The following PDE10A variants were observed in gnomAD, a reference collection of about 807,000 sequenced individuals.
The protein encoded by PDE10A is phosphodiesterase 10A.
In PDE10A, 39 loss-of-function variants were observed where a neutral mutation model predicts 97.7. That is an observed-to-expected ratio of 0.40 (90% CI 0.31 to 0.52). The LOEUF (loss-of-function observed/expected upper bound fraction) is 0.52. Among genes scored for constraint, PDE10A ranks in the 20% least tolerant of loss-of-function variants. The pLI, the probability that PDE10A is intolerant of heterozygous loss-of-function variation, is 0.56. For synonymous variants in PDE10A, 371 were observed against 376.8 expected, an observed-to-expected ratio of 0.98 and a Z score of 0.18; for missense variants, 731 against 1,047.8, an observed-to-expected ratio of 0.70 and a Z score of 4.17.
chr6:165,440,366 C>T (rs1790352069), intron 5 of PDE10A, among the ~76,000 whole-genome samples: 1 of 152,208 alleles, frequency 6.6e-6, no homozygotes, highest in Non-Finnish European at 1.5e-5. Context: ...GATTCTTCTG[C>T]TCTTCCATTT....
chr6:165,769,747 G>C (rs1331470481), intron 1 of PDE10A, among the ~76,000 whole-genome samples: 9 of 152,184 alleles, frequency 5.9e-5, no homozygotes, highest in Admixed American at 5.9e-4. Context: ...AAAGTTATTA[G>C]GCATTTTACA....
intron 1 of PDE10A, among the ~76,000 whole-genome samples, chr6:165,881,190 A>G (rs534644563): frequency 6.6e-6 from 1 of 152,332 alleles, no homozygotes; most frequent in Admixed American, 6.5e-5. Flanking sequence ...ACACCAGGCA[A>G]TGCTTTGGCT....
intron 1 of PDE10A, among the ~76,000 whole-genome samples, chr6:165,944,366 T>A (rs994388430): frequency 6.6e-6 from 1 of 152,226 alleles, no homozygotes; most frequent in Non-Finnish European, 1.5e-5. Context: ...GGTTTTCTGT[T>A]CTTTTTCTCT....
chr6:165,499,375 G>A (rs1185020272), intron 2 of PDE10A, among the ~76,000 whole-genome samples: 1 of 152,148 alleles, frequency 6.6e-6, no homozygotes. Flanking sequence ...ACCACTCAAA[G>A]AAATAAGAAG....
At chr6:165,818,544 A>G (rs1779480811) in intron 1 of PDE10A, among the ~76,000 whole-genome samples, 1 of 152,256 alleles carries the variant, frequency 6.6e-6, no homozygotes, top group African/African-American at 2.4e-5. Flanking sequence ...CAAATCCACT[A>G]GCTGTGGTTT....
intron 1 of PDE10A, among the ~76,000 whole-genome samples, chr6:165,721,356 A>G (rs977147906): frequency 3.3e-5 from 5 of 152,224 alleles, no homozygotes; most frequent in Admixed American, 2.6e-4. Flanking sequence ...TTGTCAATCC[A>G]ATTCATTACT....
intron 18 of PDE10A, among the ~76,000 whole-genome samples, chr6:165,371,348 A>G (rs1784236182): frequency 6.6e-6 from 1 of 152,182 alleles, no homozygotes; most frequent in South Asian, 2.1e-4. Flanking sequence ...CTACTAAAGA[A>G]AAAAAGAGAA....
At chr6:165,896,142 G>A (rs943124327) in intron 1 of PDE10A, among the ~76,000 whole-genome samples, 13 of 152,142 alleles carry the variant, frequency 8.5e-5, no homozygotes, top group East Asian at 1.9e-4. Flanking sequence ...ACAGCCCAGC[G>A]CCCACCCAAA....
In PDE10A at chr6:165,443,049, T is replaced by C. The variant is rs541835421; in HGVS notation, c.1194+5879A>G. Among the ~76,000 whole-genome samples the C allele has an allele frequency of 2.0e-5, 3 of 146,916 alleles. No individual in the cohort carries two copies. In the Admixed American group the frequency reaches 2.1e-4, roughly 10 times the overall value. On this transcript the variant is annotated intron_variant, in intron 5 of 21. Transcript: ENST00000539869. Reference sequence around the variant, plus strand: ...ACTGCTTGAACCCAGGAGGTGGAGGTTGCAGTGAGCCGAGACCATACCACT... The same window carrying C: ...ACTGCTTGAACCCAGGAGGTGGAGGCTGCAGTGAGCCGAGACCATACCACT...
At chr6:165,749,220 T>A (rs1460470196) in intron 1 of PDE10A, among the ~76,000 whole-genome samples, 1 of 4,024 alleles carries the variant, frequency 2.5e-4, no homozygotes, top group Non-Finnish European at 6.2e-4. Context: ...ACCATCACCA[T>A]CATATCACCA....
chr6:165,886,239 G>A (rs938350360), intron 1 of PDE10A, among the ~76,000 whole-genome samples: 1 of 148,786 alleles, frequency 6.7e-6, no homozygotes, highest in Non-Finnish European at 1.5e-5. Context: ...GAACCCTGGA[G>A]CCCTGCAGAC....
intron 1 of PDE10A, among the ~76,000 whole-genome samples, chr6:165,698,355 T>C (rs973279461): frequency 1.1e-4 from 16 of 152,182 alleles, no homozygotes; most frequent in Non-Finnish European, 1.3e-4. Context: ...AAAACTGGAA[T>C]AAATAACCCT....
intron 15 of PDE10A, 139 bp downstream of exon 15, chr6:165,395,042 A>T: frequency 1.8e-6 from 1 of 543,352 alleles, no homozygotes. Context: ...TTATTGGAAT[A>T]TTTAGGAAAA....
chr6:165,492,824 T>G (rs948622388), intron 2 of PDE10A, among the ~76,000 whole-genome samples: 7 of 152,162 alleles, frequency 4.6e-5, no homozygotes, highest in Admixed American at 2.0e-4. Context: ...AACATAGTAC[T>G]GGAAGTCCTA....
chr6:165,375,385 C>T (rs1784551711), intron 18 of PDE10A, among the ~76,000 whole-genome samples: 1 of 152,164 alleles, frequency 6.6e-6, no homozygotes, highest in Non-Finnish European at 1.5e-5. Flanking sequence ...CACAACATTC[C>T]CTTAAGCCAA....
chr6:165,694,408 C>T (rs912415215), intron 1 of PDE10A, among the ~76,000 whole-genome samples: 4 of 152,202 alleles, frequency 2.6e-5, no homozygotes, highest in Admixed American at 1.3e-4. Flanking sequence ...GAGACAAGGA[C>T]GAACCATTTG....
At chr6:165,934,802 T>C (rs1783269936) in intron 1 of PDE10A, among the ~76,000 whole-genome samples, 1 of 151,652 alleles carries the variant, frequency 6.6e-6, no homozygotes, top group Admixed American at 6.6e-5. Flanking sequence ...CTACTACTAA[T>C]ATCTTGCTTT....
In PDE10A at chr6:165,582,523, A is replaced by G. The variant is rs114908522; in HGVS notation, c.866-38955T>C. ...ATAAAATAAATCTACCTATGTTTAA[A>G]TGCACAATGAAAAAACCACTGAAAT... is the stretch of plus-strand genomic sequence containing the variant. On this transcript the variant is annotated intron_variant, in intron 1 of 21. Coordinates refer to ENST00000539869, the MANE Select transcript of PDE10A (RefSeq NM_001385079.1). Among the ~76,000 whole-genome samples the G allele has an allele frequency of 8.6e-3, 1,315 of 152,216 alleles. 20 individuals carry two copies. Among genetic ancestry groups the G allele is most frequent in the African/African-American group, 0.03 (1,258 of 41,538 alleles).
Position 165,413,617 on chromosome 6 carries a change from C to T in PDE10A, c.1960G>A (p.Val654Met), listed in dbSNP as rs889351341. Residue 654 changes from valine to methionine, a missense_variant, in exon 13 of 22, where the codon GTG (valine) becomes ATG (methionine). Around this residue, in one of 8 missense-constraint regions of PDE10A, gnomAD observed 108 missense variants for 199.8 expected, o/e 0.54. Coordinates refer to ENST00000539869, the MANE Select transcript of PDE10A (RefSeq NM_001385079.1). Reference sequence around the variant, plus strand: ...TTGACCATCTGCACCACACCTATCACGCTGCCTCGGCTGACGATGGGCATG... The same window carrying T: ...TTGACCATCTGCACCACACCTATCATGCTGCCTCGGCTGACGATGGGCATG... ...LCMPIVSRGS[V>M]IGVVQMVNKI... 2 of 1,614,156 alleles carry T rather than the reference C, an allele frequency of 1.2e-6. No homozygotes were observed. The highest frequency in any genetic ancestry group is 1.7e-6 in the Non-Finnish European group (2 of 1,180,000).
Sources: allele counts gnomAD v4.1 joint callset (sites outside exome capture counted in the v4.1 genomes callset), GRCh38; gene constraint gnomAD v4.1.1; regional missense constraint gnomAD v4.1.1; transcripts MANE v1.5; gene names NCBI Gene and HGNC (gene_info 2026-07-23, HGNC 2026-07-21).